Variants in DUOX2 observed in about 807,000 individuals in gnomAD.
DUOX2 encodes dual oxidase 2, also known as NADH/NADPH thyroid oxidase p138-tox.
Under a neutral mutation model 183.3 loss-of-function variants are expected in DUOX2, and 185 were observed. The observed-to-expected ratio is 1.01, with a 90% CI of 0.90 to 1.14. The LOEUF (loss-of-function observed/expected upper bound fraction) is 1.14. DUOX2 is among the 50% of genes most tolerant of loss of function. DUOX2 has a pLI of 0.00. For missense variants in DUOX2, 1,999 were observed against 2,022.9 expected (o/e 0.99, Z 0.23); for synonymous variants, 788 against 812.4 (o/e 0.97, Z 0.51).
rs972240907 is a variant in DUOX2, at chr15:45,113,357, A to C, written c.55T>G (p.Ser19Ala). ...TGATACTTGCCCGATGGACCCAGGG[A>C]TCCAGTCAGAAGAGCTCCCAGGAGC... ...LMLLGALLTG[S>A]LGPSGSQDAL... Residue 19 changes from serine (S) to alanine (A), a missense_variant, in exon 2 of 34, where the codon TCC (serine) becomes GCC (alanine). Coordinates refer to ENST00000389039, the MANE Select transcript of DUOX2 (RefSeq NM_001363711.2). 1.3e-6 allele frequency: 2 copies of C among 1,564,690 alleles called. No individual in the cohort carries two copies. Among genetic ancestry groups the C allele is most frequent in the African/African-American group, 2.7e-5 (2 of 73,734 alleles).
Position 45,107,700 on chromosome 15 carries a change from A to C in DUOX2, c.1575-237T>G, listed in dbSNP as rs189322941. On this transcript the variant is annotated intron_variant, in intron 13 of 33. Transcript: ENST00000389039. Reference sequence around the variant, plus strand: ...CTCTACTAAAAATATTTTTTAAAAAAATTAGCCGGGCATGTTGGTGCATGC... The same window carrying C: ...CTCTACTAAAAATATTTTTTAAAAACATTAGCCGGGCATGTTGGTGCATGC... 4.0e-3 allele frequency among the ~76,000 whole-genome samples: 602 copies of C among 151,998 alleles called. 5 individuals carry two copies. The highest frequency in any genetic ancestry group is 0.014 in the African/African-American group (582 of 41,470).
Position 45,099,713 on chromosome 15 carries a change from C to A in DUOX2, c.3364G>T (p.Ala1122Ser). The A allele has an allele frequency of 1.2e-6, 2 of 1,614,182 alleles. No homozygotes were observed. Among genetic ancestry groups the A allele is most frequent in the Non-Finnish European group, 1.7e-6 (2 of 1,180,042 alleles). Residue 1122 changes from alanine (A) to serine (S), a missense_variant, in exon 25 of 34, where the codon GCC becomes TCC. Around this residue, in one of 3 missense-constraint regions of DUOX2, gnomAD observed 1,628 missense variants for 1,608.6 expected, o/e 1.01. Transcript: ENST00000389039. ...ATCCAGCGGTGGAAGTCCACTGCGGCATCAAAAGGCACATAGCGGTTGAGG... is the reference window on the plus strand; with the variant it reads ...ATCCAGCGGTGGAAGTCCACTGCGGAATCAAAAGGCACATAGCGGTTGAGG... ...TFLNRYVPFD[A>S]AVDFHRWIAM...
rs1458032239 is a variant in DUOX2 at position 45,095,516 on chromosome 15, A to G, written c.4160T>C (p.Ile1387Thr). 2 of 1,614,056 alleles carry G rather than the reference A, an allele frequency of 1.2e-6. No individual in the cohort carries two copies. Among genetic ancestry groups the G allele is most frequent in the African/African-American group, 1.3e-5 (1 of 74,918 alleles). The change falls in exon 31 of 34, where the codon ATT becomes ACT. Residue 1387 changes from isoleucine to threonine, a missense_variant. Transcript: ENST00000389039. ...FEVSVLVGGGIGVTPFASILK... is the reference protein window; with the variant it reads ...FEVSVLVGGGTGVTPFASILK... ...GATGGAGGCAAAGGGGGTGACCCCAATGCCCCCTCCCACCAACACTGACAC... is the reference window on the plus strand; with the variant it reads ...GATGGAGGCAAAGGGGGTGACCCCAGTGCCCCCTCCCACCAACACTGACAC...
At chr15:45,100,492 C>T in intron 23 of DUOX2, 1 of 609,802 alleles carries the variant, frequency 1.6e-6, no homozygotes, top group Non-Finnish European at 2.9e-6. Context: ...GCACAGGCCT[C>T]AAGGCTGTGC....
chr15:45,103,901 C>T (rs918604423), intron 20 of DUOX2, 59 bp downstream of exon 20: 12 of 1,581,044 alleles, frequency 7.6e-6, no homozygotes, highest in Non-Finnish European at 1.0e-5. Flanking sequence ...CTGACTGGAC[C>T]TGTTTTCCTG....
chr15:45,111,088 G>C (rs1307162222), intron 7 of DUOX2, 23 bp downstream of exon 7: 1 of 907,880 alleles, frequency 1.1e-6, no homozygotes, highest in East Asian at 2.6e-5. Context: ...AAGGGAGGAC[G>C]TCGCGGGGCG....
In DUOX2 at chr15:45,106,877, G is replaced by A. The variant is rs373790251; in HGVS notation, c.1786C>T (p.Pro596Ser). The change falls in exon 15 of 34, where the codon CCT becomes TCT. Residue 596 changes from proline (P) to serine (S), a missense_variant. Physicochemically the swap from Pro to Ser is moderately conservative, Grantham distance 74. Coordinates refer to ENST00000389039, the MANE Select transcript of DUOX2 (RefSeq NM_001363711.2). ...TVLDFFEGSS[P>S]GFAITIIALC... is the part of the protein sequence containing the mutation. ...GCAATGATGGTGATGGCAAAACCAG[G>A]GCTGCTGCCTTCAAAGAAGTCAAGC... The A allele has an allele frequency of 2.9e-3, 4,631 of 1,588,604 alleles. 155 individuals are homozygous for A. The South Asian group carries it at 0.051, about 17-fold the overall frequency.
At position 45,100,940 on chromosome 15, in the gene DUOX2, C is replaced by T. The variant is rs1279618430; in HGVS notation, c.2922-102G>A. On this transcript the variant is annotated intron_variant, in intron 22 of 33. Transcript: ENST00000389039. ...AGAGGTAGGGAGTGGCTCCTGGTACCAGGCAGGGGGCAAGGCACAAAATGA... is the reference window on the plus strand; with the variant it reads ...AGAGGTAGGGAGTGGCTCCTGGTACTAGGCAGGGGGCAAGGCACAAAATGA... 4 of 797,156 alleles carry T rather than the reference C, an allele frequency of 5.0e-6. No homozygotes were observed. In the South Asian group the frequency reaches 6.1e-5, roughly 12 times the overall value. 49.4% of individuals were successfully genotyped at this position (797,156 alleles called of 1,614,324 possible). A position where few individuals can be genotyped will look rare whatever the true frequency, so the allele number is the denominator to read the frequency against.
chr15:45,113,313 C>A (rs1478935079), intron 2 of DUOX2, 29 bp downstream of exon 2: 1 of 1,552,788 alleles, frequency 6.4e-7, no homozygotes, highest in Non-Finnish European at 8.7e-7. Flanking sequence ...CTGGGGAACA[C>A]CCCGCCGCTA....
chr15:45,097,868 G>A, intron 27 of DUOX2, 127 bp from the exon 28 acceptor site: 1 of 1,561,092 alleles, frequency 6.4e-7, no homozygotes, highest in South Asian at 1.1e-5. Flanking sequence ...AGAAAAGCCT[G>A]CCTGGAGGGA....
chr15:45,106,126 AG>A lies in DUOX2; in HGVS notation c.2146del (p.Leu716TrpfsTer34). ...LLLKIPKEYD[L>X]VLLFSSEEER... The stretch of plus-strand genomic sequence containing the variant: ...CTGGGGAGGCAGGACGAGCCATACC[AG>A]GTCATACTCCTTAGGGATCTTGAGC... On this transcript the variant is annotated frameshift_variant and splice_region_variant, in exon 17 of 34. Coordinates refer to ENST00000389039, the MANE Select transcript of DUOX2 (RefSeq NM_001363711.2). LOFTEE classifies it high-confidence loss of function. 2 of 1,614,170 alleles carry A rather than the reference AG, an allele frequency of 1.2e-6. No individual in the cohort carries two copies. Among genetic ancestry groups the A allele is most frequent in the East Asian group, 2.2e-5 (1 of 44,882 alleles).
chr15:45,109,138 C>G, intron 11 of DUOX2, 186 bp from the exon 12 acceptor site: 1 of 724,116 alleles, frequency 1.4e-6, no homozygotes, highest in Non-Finnish European at 2.4e-6. Flanking sequence ...GTGATCAGAG[C>G]CAGTTTTTCC....
chr15:45,100,228 C>T lies in DUOX2; in HGVS notation c.3006G>A (p.Lys1002=), dbSNP rs2141144903. The T allele has an allele frequency of 6.2e-7, 1 of 1,612,776 alleles. No individual in the cohort carries two copies. Among genetic ancestry groups the T allele is most frequent in the Non-Finnish European group, 8.5e-7 (1 of 1,179,524 alleles). The change falls in exon 24 of 34, where the codon AAG becomes AAA. Residue 1002 remains lysine (K), a splice_region_variant and synonymous_variant. Transcript: ENST00000389039. ...GPGLKKRFGK[K]AAVPTPRLYT... ...ACAGCCGGGGAGTGGGCACTGCTGC[C>T]CTATAGCAAGGGGAGGCAGGGCAGC...
intron 21 of DUOX2, 55 bp from the exon 22 acceptor site, chr15:45,101,329 G>A: frequency 6.8e-7 from 1 of 1,478,594 alleles, no homozygotes; most frequent in South Asian, 1.2e-5. Context: ...AGTGGGGTAG[G>A]ATGGGAGACT....
rs1893858054 is a variant in DUOX2 at position 45,094,758 on chromosome 15, A to G, written c.4396-67T>C. On this transcript the variant is annotated intron_variant, in intron 32 of 33. Transcript: ENST00000389039. ...CAGCACTCAGCCCGAGCCAGCCCAC[A>G]TAGCCCAAGAGACAGAGAATGGGGA... 21 of 1,606,376 alleles carry G rather than the reference A, an allele frequency of 1.3e-5. No individual in the cohort carries two copies. The South Asian group carries it at 2.3e-4, about 18-fold the overall frequency.
intron 26 of DUOX2, chr15:45,099,180 T>G (rs888795262): frequency 4.4e-6 from 2 of 458,716 alleles, no homozygotes; most frequent in Non-Finnish European, 8.2e-6. Context: ...CCGGCTAATT[T>G]TTTGTATTTT....
In DUOX2 at chr15:45,093,970, G is replaced by C; in HGVS notation, c.*180C>G. On this transcript the variant is annotated 3_prime_UTR_variant, in exon 34 of 34. Coordinates refer to ENST00000389039, the MANE Select transcript of DUOX2 (RefSeq NM_001363711.2). ...CTGCAATTGTAGAACATAGTCTCCT[G>C]CCTTTTCTCATTTGTATAATTGTCT... The C allele has an allele frequency of 1.3e-6, 1 of 771,500 alleles. No individual in the cohort carries two copies. Among genetic ancestry groups the C allele is most frequent in the East Asian group, 2.7e-5 (1 of 36,972 alleles). 47.8% of individuals were successfully genotyped at this position (771,500 alleles called of 1,614,324 possible).
At chr15:45,113,671 C>T (rs1029111442) in intron 1 of DUOX2, among the ~76,000 whole-genome samples, 1 of 152,156 alleles carries the variant, frequency 6.6e-6, no homozygotes, top group African/African-American at 2.4e-5. Flanking sequence ...AGAGTTAACC[C>T]CCGACCATAG....
chr15:45,099,894 T>C lies in DUOX2; in HGVS notation c.3185-2A>G. 1 of 1,614,102 alleles carries C rather than the reference T, an allele frequency of 6.2e-7. No homozygotes were observed. Among genetic ancestry groups the C allele is most frequent in the Non-Finnish European group, 8.5e-7 (1 of 1,179,972 alleles). On this transcript the variant is annotated splice_acceptor_variant, in intron 24 of 33. Coordinates refer to ENST00000389039, the MANE Select transcript of DUOX2 (RefSeq NM_001363711.2). LOFTEE classifies it high-confidence loss of function. The stretch of plus-strand genomic sequence containing the variant: ...AGGGTGGCGAGGCAAAGCCATAGTC[T>C]GGGGCCGGAGTGAGGTTACATCAGC...
Sources: allele counts gnomAD v4.1 joint callset (sites outside exome capture counted in the v4.1 genomes callset), GRCh38; gene constraint gnomAD v4.1.1; regional missense constraint gnomAD v4.1.1; transcripts MANE v1.5; gene names NCBI Gene and HGNC (gene_info 2026-07-23, HGNC 2026-07-21).